FMN1: variants seen among roughly 807,000 people sequenced by gnomAD.
FMN1 encodes the protein formin 1, also known as formin-1.
A neutral mutation model predicts 132.4 loss-of-function variants in FMN1; 110 were observed. That is an observed-to-expected ratio of 0.83 (90% confidence interval 0.71 to 0.97). FMN1 has a LOEUF of 0.97. FMN1 is among the 50% of genes least tolerant of loss of function. The pLI is 0.00. For synonymous variants in FMN1, 722 were observed against 651.7 expected (o/e 1.11, Z -1.64); for missense variants, 1,792 against 1,705.3 (o/e 1.05, Z -0.90).
At position 32,890,483 on chromosome 15, in the gene FMN1, C is replaced by T. The variant is rs138335965; in HGVS notation, c.3715-2191G>A. On this transcript the variant is annotated intron_variant, in intron 15 of 20. Coordinates refer to ENST00000616417, the MANE Select transcript of FMN1 (RefSeq NM_001277313.2). Reference sequence around the variant, plus strand: ...CATTCTTGCAGGAATAAGGCAGTATCGCATTGTGGTTTTGATTTGCATTTC... The same window carrying T: ...CATTCTTGCAGGAATAAGGCAGTATTGCATTGTGGTTTTGATTTGCATTTC... 3.2e-4 allele frequency among the ~76,000 whole-genome samples: 49 copies of T among 152,284 alleles called. No individual in the cohort carries two copies. In the East Asian group the frequency reaches 8.5e-3, roughly 26 times the overall value.
intron 17 of FMN1, among the ~76,000 whole-genome samples, chr15:32,818,004 C>A (rs1260410273): frequency 6.6e-6 from 1 of 152,108 alleles, no homozygotes; most frequent in Non-Finnish European, 1.5e-5. Flanking sequence ...AGTAATAAAT[C>A]CTCATTGTAG....
intron 6 of FMN1, among the ~76,000 whole-genome samples, chr15:33,016,984 GAAT>G (rs1363546734): frequency 1.3e-5 from 2 of 152,172 alleles, no homozygotes; most frequent in African/African-American, 4.8e-5. Context: ...CTCCTTATGT[GAAT>G]AATAAATCTT....
chr15:33,013,188 T>A (rs948752009), intron 6 of FMN1: 10 of 331,100 alleles, frequency 3.0e-5, no homozygotes, highest in African/African-American at 2.2e-4. Flanking sequence ...GCCTAGCTGC[T>A]ACAAAGAAGA....
intron 4 of FMN1, among the ~76,000 whole-genome samples, chr15:33,093,218 C>G: frequency 6.6e-6 from 1 of 152,196 alleles, no homozygotes; most frequent in East Asian, 1.9e-4. Flanking sequence ...AAACCCTAAG[C>G]TTAAAACTCT....
intron 3 of FMN1, among the ~76,000 whole-genome samples, chr15:33,167,069 T>C (rs1965137618): frequency 6.6e-6 from 1 of 152,170 alleles, no homozygotes; most frequent in Non-Finnish European, 1.5e-5. Flanking sequence ...AGATTCATAC[T>C]TGGTTAAGAA....
intron 15 of FMN1, among the ~76,000 whole-genome samples, chr15:32,897,386 A>C (rs2060185335): frequency 6.6e-6 from 1 of 152,198 alleles, no homozygotes; most frequent in African/African-American, 2.4e-5. Context: ...TGGTAATGTT[A>C]CTGGGAGACT....
chr15:32,826,511 T>C (rs1479961709), intron 17 of FMN1, among the ~76,000 whole-genome samples: 1 of 152,146 alleles, frequency 6.6e-6, no homozygotes, highest in African/African-American at 2.4e-5. Context: ...GAAGATTTAG[T>C]GAAAAGAGGG....
chr15:32,918,164 A>G (rs2060730118), intron 10 of FMN1, among the ~76,000 whole-genome samples: 1 of 152,132 alleles, frequency 6.6e-6, no homozygotes, highest in Non-Finnish European at 1.5e-5. Context: ...GAAGAAAATA[A>G]AATCTCTAGT....
At chr15:32,849,025 C>A (rs1310862540) in intron 17 of FMN1, among the ~76,000 whole-genome samples, 1 of 138,374 alleles carries the variant, frequency 7.2e-6, no homozygotes, top group Non-Finnish European at 1.5e-5. Context: ...ACTCTGTCAC[C>A]CATGCTGGAG....
intron 6 of FMN1, among the ~76,000 whole-genome samples, chr15:33,023,599 G>A (rs183928332): frequency 1.3e-5 from 2 of 152,142 alleles, no homozygotes; most frequent in Non-Finnish European, 2.9e-5. Context: ...ATAAACTCAG[G>A]TACAGTCAAG....
chr15:32,895,900 C>T (rs1317977749), intron 15 of FMN1, among the ~76,000 whole-genome samples: 1 of 152,118 alleles, frequency 6.6e-6, no homozygotes, highest in Non-Finnish European at 1.5e-5. Context: ...CATTGAAAGT[C>T]ATCATTCTCA....
chr15:32,853,825 G>A (rs1248211160), intron 17 of FMN1, among the ~76,000 whole-genome samples: 1 of 152,186 alleles, frequency 6.6e-6, no homozygotes, highest in Non-Finnish European at 1.5e-5. Flanking sequence ...CAAGGGCCAG[G>A]CCCAGAGTGG....
chr15:33,058,730 T>G (rs940753768), intron 6 of FMN1, among the ~76,000 whole-genome samples: 1 of 152,198 alleles, frequency 6.6e-6, no homozygotes, highest in Non-Finnish European at 1.5e-5. Flanking sequence ...TCCACTCACT[T>G]CAGATCCCGT....
intron 7 of FMN1, among the ~76,000 whole-genome samples, chr15:33,004,485 A>G (rs1196387650): frequency 6.6e-6 from 1 of 152,232 alleles, no homozygotes; most frequent in Non-Finnish European, 1.5e-5. Flanking sequence ...CAGAACCACA[A>G]TGAGATACTA....
At chr15:33,086,309 T>C (rs1288626199) in intron 5 of FMN1, among the ~76,000 whole-genome samples, 1 of 104,440 alleles carries the variant, frequency 9.6e-6, no homozygotes, top group Non-Finnish European at 2.1e-5. Flanking sequence ...CTGGCATGCT[T>C]TTATGTTTAA....
chr15:33,002,093 C>T (rs1211351231), intron 7 of FMN1, among the ~76,000 whole-genome samples: 1 of 152,168 alleles, frequency 6.6e-6, no homozygotes, highest in East Asian at 1.9e-4. Flanking sequence ...TTGAATCATG[C>T]TGTTTTCTTT....
intron 6 of FMN1, among the ~76,000 whole-genome samples, chr15:33,054,428 A>G (rs343915): frequency 0.88 from 133,356 of 152,122 alleles, 59,145 homozygotes; most frequent in Middle Eastern, 0.93. Context: ...GCATCATTTC[A>G]TTTTTACATG....
At chr15:32,987,132 C>G (rs547675232) in intron 7 of FMN1, among the ~76,000 whole-genome samples, 2 of 152,226 alleles carry the variant, frequency 1.3e-5, no homozygotes, top group South Asian at 2.1e-4. Context: ...AAGGCAGAGA[C>G]AGGATAACCT....
chr15:32,874,316 C>T (rs540628071), intron 16 of FMN1, among the ~76,000 whole-genome samples: 145 of 152,086 alleles, frequency 9.5e-4, no homozygotes, highest in African/African-American at 3.1e-3. Flanking sequence ...CCACCAAGCC[C>T]GGCCTATATT....
Sources: gnomAD v4.1 joint callset for allele counts (sites outside exome capture counted in the v4.1 genomes callset) on GRCh38, gnomAD v4.1.1 for gene constraint, MANE v1.5 for transcripts, NCBI Gene and HGNC (gene_info 2026-07-23, HGNC 2026-07-21) for gene names.